RELN: variants seen among roughly 807,000 people sequenced by gnomAD.
RELN encodes reelin.
RELN carries 108 observed loss-of-function variants against 427.6 expected under a neutral mutation model. The observed-to-expected ratio is 0.25, with a 90% CI of 0.22 to 0.30. RELN has a LOEUF of 0.30. Among genes scored for constraint, RELN ranks in the 10% least tolerant of loss-of-function variants. The pLI is 1.00. For missense variants in RELN, 3,715 were observed against 4,302.8 expected (o/e 0.86, Z 3.82); for synonymous variants, 1,524 against 1,513.4 (o/e 1.01, Z -0.16).
intron 2 of RELN, among the ~76,000 whole-genome samples, chr7:103,858,331 A>G (rs1793994550): frequency 6.6e-6 from 1 of 152,208 alleles, no homozygotes; most frequent in Admixed American, 6.5e-5. Flanking sequence ...CAAAACTCTT[A>G]GTATAGTACC....
chr7:103,734,122 G>A (rs185843660), intron 6 of RELN, among the ~76,000 whole-genome samples: 6 of 152,180 alleles, frequency 3.9e-5, no homozygotes, highest in Admixed American at 2.0e-4. Context: ...TATTGCCGAC[G>A]TATAAATCTG....
intron 2 of RELN, among the ~76,000 whole-genome samples, chr7:103,855,880 A>G (rs780713775): frequency 2.0e-5 from 3 of 152,098 alleles, no homozygotes; most frequent in Non-Finnish European, 4.4e-5. Context: ...CCTCATCTTC[A>G]CTTAACTAAT....
Position 103,566,751 on chromosome 7 carries a change from C to T in RELN, c.4597G>A (p.Val1533Ile). The T allele has an allele frequency of 1.2e-6, 2 of 1,613,940 alleles. No homozygotes were observed. Among genetic ancestry groups the T allele is most frequent in the Non-Finnish European group, 1.7e-6 (2 of 1,179,820 alleles). Residue 1533 changes from valine to isoleucine, a missense_variant, in exon 32 of 65, where the codon GTT (valine) becomes ATT (isoleucine). Physicochemically the swap from Val to Ile is conservative, Grantham distance 29. Transcript: ENST00000428762. Reference protein sequence around the residue: ...KPRTRNEGLIVQYSNDNGILW... With the variant: ...KPRTRNEGLIIQYSNDNGILW... ...ATCCCATTGTCATTTGAATACTGAACAATAAGCCCTGAGTTAAAAGACATA... is the reference window on the plus strand; with the variant it reads ...ATCCCATTGTCATTTGAATACTGAATAATAAGCCCTGAGTTAAAAGACATA...
At chr7:103,556,427 G>GTATATATA (rs1830521916) in intron 38 of RELN, among the ~76,000 whole-genome samples, 1 of 86,458 alleles carries the variant, frequency 1.2e-5, no homozygotes, top group African/African-American at 7.8e-5. Flanking sequence ...TTATATATAC[G>GTATATATA]TGTATATATA....
At chr7:103,934,874 T>A (rs3808018) in intron 1 of RELN, among the ~76,000 whole-genome samples, 21,415 of 152,208 alleles carry the variant, frequency 0.14, 1,657 homozygotes, top group East Asian at 0.32. Flanking sequence ...AGAATCATAG[T>A]CTTTGAAGAC....
intron 57 of RELN, among the ~76,000 whole-genome samples, chr7:103,492,379 T>C (rs1298345979): frequency 6.6e-6 from 1 of 152,222 alleles, no homozygotes; most frequent in Non-Finnish European, 1.5e-5. Flanking sequence ...ATTTCATTGA[T>C]AGCCTAACTT....
chr7:103,566,520 T>TA, intron 32 of RELN, 81 bp downstream of exon 32: 1 of 1,595,560 alleles, frequency 6.3e-7, no homozygotes, highest in Non-Finnish European at 8.6e-7. Context: ...GACAGCAAAT[T>TA]AAGAAACACA....
At chr7:103,684,878 A>C (rs1833731616) in intron 10 of RELN, among the ~76,000 whole-genome samples, 1 of 152,208 alleles carries the variant, frequency 6.6e-6, no homozygotes, top group Admixed American at 6.6e-5. Flanking sequence ...GAAAAATAGA[A>C]GAGCATTTCA....
intron 4 of RELN, among the ~76,000 whole-genome samples, chr7:103,760,514 C>A (rs2116126962): frequency 6.6e-6 from 1 of 151,970 alleles, no homozygotes; most frequent in Middle Eastern, 3.4e-3. Context: ...ACTTGTTGAA[C>A]AAATTACTCA....
chr7:103,951,033 G>A (rs1232762649), intron 1 of RELN, among the ~76,000 whole-genome samples: 1 of 152,104 alleles, frequency 6.6e-6, no homozygotes, highest in Non-Finnish European at 1.5e-5. Flanking sequence ...TGGTTCAAGC[G>A]ATTCCCCTAC....
intron 6 of RELN, among the ~76,000 whole-genome samples, chr7:103,744,121 G>T (rs559029132): frequency 4.6e-5 from 7 of 152,178 alleles, no homozygotes; most frequent in East Asian, 3.9e-4. Context: ...ACTCAAAACC[G>T]CTCAACTACA....
intron 3 of RELN, among the ~76,000 whole-genome samples, chr7:103,808,657 A>G (rs898088826): frequency 6.6e-6 from 1 of 152,094 alleles, no homozygotes; most frequent in Non-Finnish European, 1.5e-5. Context: ...TTCACAAGGA[A>G]AAAAATCTCT....
intron 35 of RELN, 31 bp downstream of exon 35, chr7:103,561,782 A>G: frequency 1.2e-6 from 2 of 1,613,910 alleles, no homozygotes; most frequent in Non-Finnish European, 1.7e-6. Context: ...TTGCGTTACA[A>G]AGAAAGAAAC....
intron 3 of RELN, among the ~76,000 whole-genome samples, chr7:103,825,187 C>T (rs528427169): frequency 1.3e-3 from 195 of 152,052 alleles, no homozygotes; most frequent in Non-Finnish European, 2.1e-3. Context: ...AGTTTTCATG[C>T]GTAAGGGCAC....
chr7:103,849,718 A>T (rs1463497144), intron 2 of RELN, among the ~76,000 whole-genome samples: 1 of 152,188 alleles, frequency 6.6e-6, no homozygotes, highest in African/African-American at 2.4e-5. Flanking sequence ...CCTGGGCCAC[A>T]ACCTACATTT....
At chr7:103,724,262 T>G (rs889649210) in intron 7 of RELN, among the ~76,000 whole-genome samples, 1 of 152,134 alleles carries the variant, frequency 6.6e-6, no homozygotes, top group Non-Finnish European at 1.5e-5. Flanking sequence ...TCTTTAGACA[T>G]ATCCTTGCAC....
At chr7:103,901,171 C>T (rs965484909) in intron 2 of RELN, among the ~76,000 whole-genome samples, 2 of 151,936 alleles carry the variant, frequency 1.3e-5, no homozygotes, top group Admixed American at 6.6e-5. Context: ...TGTCATTAAT[C>T]ATTAGGGAAT....
intron 11 of RELN, among the ~76,000 whole-genome samples, chr7:103,678,873 T>C (rs1374117356): frequency 6.6e-6 from 1 of 152,218 alleles, no homozygotes; most frequent in African/African-American, 2.4e-5. Flanking sequence ...TTTTAGCAGA[T>C]GAGCTTACCA....
At chr7:103,732,195 C>T (rs1790371735) in intron 6 of RELN, among the ~76,000 whole-genome samples, 1 of 152,008 alleles carries the variant, frequency 6.6e-6, no homozygotes. Context: ...GAGTGTATAT[C>T]TTTAGGGTCC....
Sources: gnomAD v4.1 joint callset for allele counts (sites outside exome capture counted in the v4.1 genomes callset) on GRCh38, gnomAD v4.1.1 for gene constraint, MANE v1.5 for transcripts, NCBI Gene and HGNC (gene_info 2026-07-23, HGNC 2026-07-21) for gene names.